Variants in RNF157 observed in about 807,000 individuals in gnomAD.
RNF157 encodes the protein E3 ubiquitin ligase RNF157.
Under a neutral mutation model 88.3 loss-of-function variants are expected in RNF157, and 55 were observed. The observed-to-expected ratio is 0.62, with a 90% CI of 0.50 to 0.78. RNF157 has a LOEUF of 0.78. Among genes scored for constraint, RNF157 ranks in the 30% least tolerant of loss-of-function variants. The pLI is 0.00. For synonymous variants in RNF157, 334 were observed against 341.2 expected (o/e 0.98, Z 0.23); for missense variants, 788 against 860.8 (o/e 0.92, Z 1.06).
chr17:76,151,487 C>A (rs2068676441), intron 18 of RNF157, among the ~76,000 whole-genome samples: 1 of 152,178 alleles, frequency 6.6e-6, no homozygotes, highest in African/African-American at 2.4e-5. Context: ...TGAAGTGAGT[C>A]TTCGTTCAGG....
chr17:76,152,247 T>C, intron 18 of RNF157, 108 bp downstream of exon 18: 1 of 766,530 alleles, frequency 1.3e-6, no homozygotes, highest in Non-Finnish European at 2.3e-6. Context: ...CCCCAGGCCT[T>C]CTTGGCAGGA....
At chr17:76,179,704 T>C (rs2069160883) in intron 2 of RNF157, among the ~76,000 whole-genome samples, 1 of 151,998 alleles carries the variant, frequency 6.6e-6, no homozygotes, top group South Asian at 2.1e-4. Flanking sequence ...AAACAAAAAA[T>C]AAGTATCTTA....
chr17:76,205,765 T>TAA (rs1568062335), intron 2 of RNF157, among the ~76,000 whole-genome samples: 3 of 140,740 alleles, frequency 2.1e-5, no homozygotes, highest in Admixed American at 6.8e-5. Flanking sequence ...ATAAATAAAA[T>TAA]AATAATGCCA....
At chr17:76,185,204 A>G (rs1196506612) in intron 2 of RNF157, among the ~76,000 whole-genome samples, 1 of 152,194 alleles carries the variant, frequency 6.6e-6, no homozygotes, top group East Asian at 1.9e-4. Flanking sequence ...CTTAGATGAC[A>G]AATGAACCTA....
At chr17:76,226,193 G>A (rs559546871) in intron 1 of RNF157, 1 of 1,610,956 alleles carries the variant, frequency 6.2e-7, no homozygotes, top group Non-Finnish European at 8.5e-7. Context: ...TATGCACTGA[G>A]GGATCATGGC....
intron 1 of RNF157, among the ~76,000 whole-genome samples, chr17:76,234,351 T>C (rs564335368): frequency 2.2e-4 from 33 of 152,236 alleles, no homozygotes; most frequent in Non-Finnish European, 4.6e-4. Flanking sequence ...GTGCAAGTTT[T>C]TATGTGAATG....
At chr17:76,194,279 C>T (rs895702599) in intron 2 of RNF157, among the ~76,000 whole-genome samples, 2 of 152,182 alleles carry the variant, frequency 1.3e-5, no homozygotes, top group African/African-American at 4.8e-5. Context: ...TTATCTCTAT[C>T]GTTTTGCTCT....
chr17:76,159,211 G>T, intron 12 of RNF157, 124 bp downstream of exon 12: 1 of 797,034 alleles, frequency 1.3e-6, no homozygotes, highest in Non-Finnish European at 2.1e-6. Context: ...CACGCAAGCA[G>T]CTCTGGGAAC....
rs1250601323 is a variant in RNF157 at position 76,157,825 on chromosome 17, C to T, written c.1413+568G>A. Among the ~76,000 whole-genome samples, 6 of 152,134 alleles carry T rather than the reference C, an allele frequency of 3.9e-5. No individual in the cohort carries two copies. The highest frequency in any genetic ancestry group is 7.2e-5 in the African/African-American group (3 of 41,498). ...TTTGTTAAGTGAGGTCTCTGTGGGA[C>T]GCACAGAGTAGAAAATTCCAGCCTT... On this transcript the variant is annotated intron_variant, in intron 13 of 18. Coordinates refer to ENST00000269391, the MANE Select transcript of RNF157 (RefSeq NM_052916.3). This position sits in a 1 kb window ranked among gnomAD's most constrained non-coding sequence, Gnocchi z 5.6.
intron 1 of RNF157, among the ~76,000 whole-genome samples, chr17:76,227,109 C>CT (rs566280985): frequency 1.0e-4 from 15 of 150,120 alleles, no homozygotes; most frequent in South Asian, 6.3e-4. Context: ...TTAATAACCT[C>CT]TTTTTTTGTT....
At position 76,154,283 on chromosome 17, in the gene RNF157, C is replaced by T; in HGVS notation, c.1810G>A (p.Gly604Ser). 2 of 1,607,630 alleles carry T rather than the reference C, an allele frequency of 1.2e-6. No homozygotes were observed. Among genetic ancestry groups the T allele is most frequent in the East Asian group, 2.2e-5 (1 of 44,844 alleles). The part of the protein sequence containing the change: ...EEEDGSPTQE[G>S]QRTCAFLGME... ...AGTAAAGGACCAGATCTTTTACCACCTTCCTGCGTGGGTGATCCATCCTCT... is the reference window on the plus strand; with the variant it reads ...AGTAAAGGACCAGATCTTTTACCACTTTCCTGCGTGGGTGATCCATCCTCT... The change falls in exon 17 of 19, where the codon GGC (glycine) becomes AGC (serine). Residue 604 changes from glycine (G) to serine (S), a missense_variant and splice_region_variant. Transcript: ENST00000269391.
chr17:76,192,711 G>A (rs2069407213), intron 2 of RNF157, among the ~76,000 whole-genome samples: 1 of 152,150 alleles, frequency 6.6e-6, no homozygotes, highest in South Asian at 2.1e-4. Flanking sequence ...ACTAGCAGCT[G>A]AAACCCTCTG....
intron 2 of RNF157, among the ~76,000 whole-genome samples, chr17:76,199,215 T>A (rs952766544): frequency 4.6e-5 from 7 of 152,156 alleles, no homozygotes; most frequent in African/African-American, 1.7e-4. Flanking sequence ...AGAGACCAGA[T>A]TAAAACATGA....
At position 76,176,835 on chromosome 17, in the gene RNF157, C is replaced by T. The variant is rs2069111328; in HGVS notation, c.208-3045G>A. Among the ~76,000 whole-genome samples, 1 of 152,198 alleles carries T rather than the reference C, an allele frequency of 6.6e-6. No individual in the cohort carries two copies. Among genetic ancestry groups the T allele is most frequent in the East Asian group, 1.9e-4 (1 of 5,178 alleles). On this transcript the variant is annotated intron_variant, in intron 2 of 18. Coordinates refer to ENST00000269391, the MANE Select transcript of RNF157 (RefSeq NM_052916.3). The surrounding 1 kb of genome is among the most constrained non-coding windows in gnomAD (Gnocchi z 4.2). ...GGAGCTGGGGCCATGCTTCAGGGGCCCCGGGCAGGAAGTGGGAGCAGCTTC... is the reference window on the plus strand; with the variant it reads ...GGAGCTGGGGCCATGCTTCAGGGGCTCCGGGCAGGAAGTGGGAGCAGCTTC...
At chr17:76,189,719 G>A (rs1188785612) in intron 2 of RNF157, among the ~76,000 whole-genome samples, 2 of 152,292 alleles carry the variant, frequency 1.3e-5, no homozygotes, top group South Asian at 2.1e-4. Context: ...AAAGGGAGAG[G>A]TTGGGTTCTC....
Position 76,161,585 on chromosome 17 carries a change from T to C in RNF157, c.1015A>G (p.Ser339Gly). ...RKKLGPLSPTSFNPIISSQTS... is the reference protein window; with the variant it reads ...RKKLGPLSPTGFNPIISSQTS... ...TGGGATGAGATGATGGGGTTAAAGC[T>C]GGTTGGGGACAAGGGGCCCAATTTT... The change falls in exon 11 of 19, where the codon AGC (serine) becomes GGC (glycine). Residue 339 changes from serine (S) to glycine (G), a missense_variant. By Grantham distance (56) the Ser-to-Gly change is moderately conservative. Transcript: ENST00000269391. The surrounding 1 kb of genome is among the most constrained non-coding windows in gnomAD (Gnocchi z 4.6). 1 of 1,614,070 alleles carries C rather than the reference T, an allele frequency of 6.2e-7. No homozygotes were observed. The highest frequency in any genetic ancestry group is 8.5e-7 in the Non-Finnish European group (1 of 1,179,976).
At chr17:76,150,350 C>A (rs903001924) in intron 18 of RNF157, among the ~76,000 whole-genome samples, 1 of 152,146 alleles carries the variant, frequency 6.6e-6, no homozygotes, top group African/African-American at 2.4e-5. Context: ...AACCCCAGGG[C>A]TTCTCTCTTC....
At chr17:76,162,729 C>T (rs778613733) in intron 8 of RNF157, 106 bp from the exon 9 acceptor site, 42 of 643,004 alleles carry the variant, frequency 6.5e-5, no homozygotes, top group Non-Finnish European at 9.7e-5. Context: ...ACTACCGATT[C>T]ATAATGAGAA....
intron 1 of RNF157, chr17:76,225,694 A>T (rs369319423): frequency 2.3e-6 from 3 of 1,325,500 alleles, no homozygotes; most frequent in African/African-American, 3.0e-5. Flanking sequence ...ATTGGAACAC[A>T]CAGCTACAGC....
Sources: gnomAD v4.1 joint callset for allele counts (sites outside exome capture counted in the v4.1 genomes callset) on GRCh38, gnomAD v4.1.1 for gene constraint, Gnocchi (gnomAD v3.1) non-coding constraint, MANE v1.5 for transcripts, NCBI Gene and HGNC (gene_info 2026-07-23, HGNC 2026-07-21) for gene names.